The following ATP10B variants were observed in gnomAD, a reference collection of about 807,000 sequenced individuals.
The protein encoded by ATP10B is ATPase phospholipid transporting 10B (putative), also known as phospholipid-transporting ATPase VB.
In ATP10B, 122 loss-of-function variants were observed where a neutral mutation model predicts 141.2. That is an observed-to-expected ratio of 0.86 (90% confidence interval 0.75 to 1.00). The LOEUF (loss-of-function observed/expected upper bound fraction) is 1.00, where lower values mean the gene tolerates loss of function less well. Among genes scored for constraint, ATP10B ranks in the 50% least tolerant of loss-of-function variants. The pLI, the probability that ATP10B is intolerant of heterozygous loss-of-function variation, is 0.00. For missense variants in ATP10B, 1,876 were observed against 1,825.3 expected (o/e 1.03, Z -0.51); for synonymous variants, 685 against 692.0 (o/e 0.99, Z 0.16).
At chr5:160,588,696 A>G (rs184316767) in intron 24 of ATP10B, among the ~76,000 whole-genome samples, 90 of 152,312 alleles carry the variant, frequency 5.9e-4, no homozygotes, top group Non-Finnish European at 1.1e-3. Flanking sequence ...GTAAAATGGG[A>G]ATATAAAAAC....
At chr5:160,829,075 G>A (rs1361406223) in intron 1 of ATP10B, among the ~76,000 whole-genome samples, 2 of 103,988 alleles carry the variant, frequency 1.9e-5, no homozygotes, top group South Asian at 4.1e-4. Flanking sequence ...GGGGAGGGGG[G>A]AGGGATAGCA....
At chr5:160,893,373 G>T in the ATP10B span, among the ~76,000 whole-genome samples, 1 of 152,136 alleles carries the variant, frequency 6.6e-6, no homozygotes, top group Non-Finnish European at 1.5e-5. Context: ...AGGGGTGTAT[G>T]CCATTACTGA....
intron 7 of ATP10B, among the ~76,000 whole-genome samples, chr5:160,660,493 G>A (rs1761835134): frequency 6.6e-6 from 1 of 152,152 alleles, no homozygotes; most frequent in Non-Finnish European, 1.5e-5. Flanking sequence ...GAGGATCCTA[G>A]GCAACCAACT....
At chr5:160,820,351 TAGTAACA>T (rs1272913122) in intron 1 of ATP10B, among the ~76,000 whole-genome samples, 4 of 151,878 alleles carry the variant, frequency 2.6e-5, no homozygotes, top group South Asian at 2.1e-4. Flanking sequence ...CTGAACGGAC[TAGTAACA>T]AGTAACAAGA....
At position 160,563,187 on chromosome 5, in the gene ATP10B, TCATAA is replaced by T. The variant is rs1405187053; in HGVS notation, c.*2261_*2265del. Reference sequence around the variant, plus strand: ...GATGACATTTCCAATCAGTAAAATATCATAAAAGTATAAAAATGTACTAAGTACAA... The same window carrying T: ...GATGACATTTCCAATCAGTAAAATATAAGTATAAAAATGTACTAAGTACAA... On this transcript the variant is annotated 3_prime_UTR_variant, in exon 26 of 26. Coordinates refer to ENST00000327245, the MANE Select transcript of ATP10B (RefSeq NM_025153.3). The T allele has an allele frequency of 1.3e-5, 2 of 152,164 alleles. No homozygotes were observed. The highest frequency in any genetic ancestry group is 2.9e-5 in the Non-Finnish European group (2 of 68,030). 9.4% of individuals were successfully genotyped at this position (152,164 alleles called of 1,614,324 possible). A position where few individuals can be genotyped will look rare whatever the true frequency, so the allele number is the denominator to read the frequency against.
rs1216576621 is a variant in ATP10B at position 160,622,422 on chromosome 5, A to G, written c.1784T>C (p.Val595Ala). ...LALTICNSVM[V>A]STTTEPRQRV... ...CTGCCTGGGCTCGGTGGTTGTGGACACCATGACAGAGTTGCAGATGGTTAA... is the reference window on the plus strand; with the variant it reads ...CTGCCTGGGCTCGGTGGTTGTGGACGCCATGACAGAGTTGCAGATGGTTAA... The change falls in exon 14 of 26, where the codon GTG becomes GCG. Residue 595 changes from valine (V) to alanine (A), a missense_variant. Coordinates refer to ENST00000327245, the MANE Select transcript of ATP10B (RefSeq NM_025153.3). 2 of 1,613,686 alleles carry G rather than the reference A, an allele frequency of 1.2e-6. No individual in the cohort carries two copies. The highest frequency in any genetic ancestry group is 1.7e-6 in the Non-Finnish European group (2 of 1,179,902).
chr5:160,888,774 G>T, the ATP10B span, among the ~76,000 whole-genome samples: 1 of 152,130 alleles, frequency 6.6e-6, no homozygotes, highest in Non-Finnish European at 1.5e-5. Context: ...CACAAAATGG[G>T]TAACAAGGGT....
chr5:160,646,738 G>A lies in ATP10B; in HGVS notation c.761+2433C>T, dbSNP rs184153933. ...TTCTGAAGTGATAGCATATGAGAGA[G>A]GCTTCTACTTCTCTCGGTTGTAATG... On this transcript the variant is annotated intron_variant, in intron 8 of 25. Transcript: ENST00000327245. Among the ~76,000 whole-genome samples, 585 of 152,282 alleles carry A rather than the reference G, an allele frequency of 3.8e-3. 3 individuals carry two copies. The highest frequency in any genetic ancestry group is 6.0e-3 in the Non-Finnish European group (410 of 68,022).
chr5:160,881,735 C>CGG, the ATP10B span, among the ~76,000 whole-genome samples: 1 of 151,984 alleles, frequency 6.6e-6, no homozygotes, highest in African/African-American at 2.4e-5. Context: ...GGTGTGAAAG[C>CGG]GGGAGGTGGA....
At chr5:160,876,755 A>G in the ATP10B span, among the ~76,000 whole-genome samples, 1 of 151,288 alleles carries the variant, frequency 6.6e-6, no homozygotes, top group African/African-American at 2.4e-5. Flanking sequence ...TACTACAAAC[A>G]CCTCTACGCA....
At chr5:160,665,539 A>G (rs1762271219) in intron 7 of ATP10B, among the ~76,000 whole-genome samples, 1 of 152,234 alleles carries the variant, frequency 6.6e-6, no homozygotes, top group Non-Finnish European at 1.5e-5. Flanking sequence ...AGACGTTAAT[A>G]TGTTAATGAA....
At chr5:160,590,987 C>G (rs956961823) in intron 23 of ATP10B, 72 bp downstream of exon 23, 5 of 1,342,728 alleles carry the variant, frequency 3.7e-6, no homozygotes, top group Non-Finnish European at 5.3e-6. Flanking sequence ...CACTACTGGT[C>G]TGGAACTTTA....
At chr5:160,581,314 G>T (rs1297770844) in intron 24 of ATP10B, among the ~76,000 whole-genome samples, 1 of 152,176 alleles carries the variant, frequency 6.6e-6, no homozygotes, top group African/African-American at 2.4e-5. Flanking sequence ...TCTAAACACT[G>T]CTTTAGCTGT....
At chr5:160,860,732 T>C in the ATP10B span, among the ~76,000 whole-genome samples, 1 of 151,968 alleles carries the variant, frequency 6.6e-6, no homozygotes, top group Non-Finnish European at 1.5e-5. Flanking sequence ...ATGGTAAAAA[T>C]CTGCAAAGAT....
At chr5:160,676,823 A>G (rs1269740187) in intron 6 of ATP10B, among the ~76,000 whole-genome samples, 1 of 152,228 alleles carries the variant, frequency 6.6e-6, no homozygotes, top group East Asian at 1.9e-4. Flanking sequence ...CTGCCTAATA[A>G]TGGAATAGCT....
chr5:160,614,952 AGGACATTAATCCTGTTGAATAAAGCTC>A, intron 17 of ATP10B, among the ~76,000 whole-genome samples: 1 of 152,152 alleles, frequency 6.6e-6, no homozygotes, highest in East Asian at 1.9e-4. Context: ...CCAAGGTGTG[AGGACATTAATCCTGTTGAATAAAGCTC>A]CCCTTGCTTC....
intron 1 of ATP10B, among the ~76,000 whole-genome samples, chr5:160,803,225 G>A (rs1772517391): frequency 6.6e-6 from 1 of 152,124 alleles, no homozygotes; most frequent in Non-Finnish European, 1.5e-5. Context: ...TGTGCTATAT[G>A]GATTAAGAAA....
At chr5:160,824,129 C>T (rs1226245904) in intron 1 of ATP10B, among the ~76,000 whole-genome samples, 2 of 152,002 alleles carry the variant, frequency 1.3e-5, no homozygotes, top group Non-Finnish European at 1.5e-5. Flanking sequence ...TCACACCATT[C>T]TCCTACCTCA....
intron 2 of ATP10B, among the ~76,000 whole-genome samples, chr5:160,751,312 C>T (rs1406223760): frequency 6.6e-6 from 1 of 152,174 alleles, no homozygotes; most frequent in African/African-American, 2.4e-5. Context: ...TCATGTTCTC[C>T]TTTTCACTCC....
Sources: gnomAD v4.1 joint callset for allele counts (sites outside exome capture counted in the v4.1 genomes callset) on GRCh38, gnomAD v4.1.1 for gene constraint, MANE v1.5 for transcripts, NCBI Gene and HGNC (gene_info 2026-07-23, HGNC 2026-07-21) for gene names.